The following CALN1 variants were observed in gnomAD, a reference collection of about 807,000 sequenced individuals.
CALN1 encodes the protein calneuron 1.
A neutral mutation model predicts 30.6 loss-of-function variants in CALN1; 17 were observed. The observed-to-expected ratio is 0.56, with a 90% CI of 0.38 to 0.83. The LOEUF (loss-of-function observed/expected upper bound fraction) is 0.83, where lower values mean the gene tolerates loss of function less well. Among genes scored for constraint, CALN1 ranks in the 40% least tolerant of loss-of-function variants. The pLI, the probability that CALN1 is intolerant of heterozygous loss-of-function variation, is 0.00. For missense variants in CALN1, 291 were observed against 354.9 expected (o/e 0.82, Z 1.45); for synonymous variants, 156 against 131.4 (o/e 1.19, Z -1.28).
chr7:72,347,375 T>C lies in CALN1; in HGVS notation c.119+55876A>G, dbSNP rs183114376. Reference sequence around the variant, plus strand: ...TCTGCCTCCCGGGTTCAAGCGATTCTCCTGCCTCAGCCTCCTGAGTAGCTG... The same window carrying C: ...TCTGCCTCCCGGGTTCAAGCGATTCCCCTGCCTCAGCCTCCTGAGTAGCTG... On this transcript the variant is annotated intron_variant, in intron 2 of 6. Coordinates refer to ENST00000395275, the MANE Select transcript of CALN1 (RefSeq NM_031468.4). Among the ~76,000 whole-genome samples, 166 of 152,160 alleles carry C rather than the reference T, an allele frequency of 1.1e-3. 2 individuals are homozygous for C. The highest frequency in any genetic ancestry group is 3.7e-3 in the African/African-American group (155 of 41,522).
chr7:71,952,823 A>G (rs1584595911), intron 5 of CALN1, among the ~76,000 whole-genome samples: 1 of 152,030 alleles, frequency 6.6e-6, no homozygotes. Context: ...CTGCCTTCAC[A>G]TTCAAAGCTC....
At chr7:72,270,138 G>A (rs961119053) in intron 3 of CALN1, among the ~76,000 whole-genome samples, 6 of 151,664 alleles carry the variant, frequency 4.0e-5, no homozygotes, top group East Asian at 3.9e-4. Context: ...TTGAGAGAGA[G>A]AAAAAAACCC....
chr7:72,143,328 G>A (rs1407509891), intron 3 of CALN1, among the ~76,000 whole-genome samples: 3 of 152,188 alleles, frequency 2.0e-5, no homozygotes, highest in Non-Finnish European at 4.4e-5. Context: ...CGTGAAGAAT[G>A]CACAAGCTTC....
chr7:72,066,169 C>T (rs1236227492), intron 4 of CALN1, among the ~76,000 whole-genome samples: 2 of 152,212 alleles, frequency 1.3e-5, no homozygotes, highest in Non-Finnish European at 2.9e-5. Context: ...TGCTAAATCT[C>T]ATCGTGTTGG....
chr7:71,969,369 T>C (rs1333741617), intron 5 of CALN1, among the ~76,000 whole-genome samples: 2 of 152,186 alleles, frequency 1.3e-5, no homozygotes, highest in African/African-American at 4.8e-5. Flanking sequence ...TTGTCCTGAT[T>C]TCTTTCTAAC....
At chr7:72,322,890 T>G (rs945534657) in intron 2 of CALN1, among the ~76,000 whole-genome samples, 1 of 151,782 alleles carries the variant, frequency 6.6e-6, no homozygotes, top group African/African-American at 2.4e-5. Context: ...ACACACTGCA[T>G]GCCTGTATCA....
intron 5 of CALN1, among the ~76,000 whole-genome samples, chr7:72,001,500 G>T (rs1312821567): frequency 6.6e-6 from 1 of 152,176 alleles, no homozygotes; most frequent in Non-Finnish European, 1.5e-5. Context: ...TGTGCATGTG[G>T]ACAGCCCACC....
chr7:72,466,240 GGTGT>G, the CALN1 span, among the ~76,000 whole-genome samples: 668 of 150,356 alleles, frequency 4.4e-3, 4 homozygotes, highest in African/African-American at 0.016. Context: ...TGAGATGTGT[GGTGT>G]GTGTGTGTGT....
intron 2 of CALN1, among the ~76,000 whole-genome samples, chr7:72,317,261 G>A (rs981924727): frequency 7.3e-6 from 1 of 136,394 alleles, no homozygotes; most frequent in African/African-American, 2.7e-5. Flanking sequence ...AGAAGGGGGG[G>A]ACGGAGGGAG....
rs368618388 is a variant in CALN1, at chr7:72,225,291, A to T, written c.244+53395T>A. ...GTTCCTGTCTGAGACAGCAGGACAC[A>T]CCTTAGCAGGGTGTCCTCCTGTGTG... On this transcript the variant is annotated intron_variant, in intron 3 of 6. Coordinates refer to ENST00000395275, the MANE Select transcript of CALN1 (RefSeq NM_031468.4). Among the ~76,000 whole-genome samples, 45 of 152,044 alleles carry T rather than the reference A, an allele frequency of 3.0e-4. No homozygotes were observed. The East Asian group carries it at 5.9e-3, about 20-fold the overall frequency.
At chr7:72,337,199 C>T (rs1047137851) in intron 2 of CALN1, 4 of 985,220 alleles carry the variant, frequency 4.1e-6, no homozygotes, top group Non-Finnish European at 4.8e-6. Flanking sequence ...TCCTCCCCAG[C>T]GGATCCCCCA....
intron 3 of CALN1, among the ~76,000 whole-genome samples, chr7:72,266,147 A>G (rs1156299828): frequency 6.6e-6 from 1 of 151,988 alleles, no homozygotes; most frequent in Admixed American, 6.6e-5. Flanking sequence ...AAGAAAAAAA[A>G]AAACTAAACT....
chr7:72,056,616 AC>A (rs1803273775), intron 4 of CALN1, among the ~76,000 whole-genome samples: 1 of 152,008 alleles, frequency 6.6e-6, no homozygotes, highest in Admixed American at 6.5e-5. Context: ...TAAAGGAATA[AC>A]AAAAAAATAG....
At chr7:72,129,563 T>G (rs979895976) in intron 3 of CALN1, among the ~76,000 whole-genome samples, 1 of 152,214 alleles carries the variant, frequency 6.6e-6, no homozygotes, top group Non-Finnish European at 1.5e-5. Context: ...TAAGTCCTCA[T>G]ATTTTTGGAG....
chr7:72,010,810 A>T (rs1395022837), intron 5 of CALN1, among the ~76,000 whole-genome samples: 1 of 151,142 alleles, frequency 6.6e-6, no homozygotes, highest in African/African-American at 2.4e-5. Context: ...TGTCTCAAAA[A>T]AAAAAAAGAA....
chr7:71,840,510 AAG>A (rs1267676821), intron 5 of CALN1, among the ~76,000 whole-genome samples: 1 of 148,914 alleles, frequency 6.7e-6, no homozygotes, highest in African/African-American at 2.5e-5. Flanking sequence ...AAAAAAAAAA[AAG>A]AGAAAAAGAA....
intron 3 of CALN1, among the ~76,000 whole-genome samples, chr7:72,131,410 T>A (rs1408647864): frequency 6.6e-6 from 1 of 152,230 alleles, no homozygotes; most frequent in African/African-American, 2.4e-5. Flanking sequence ...ATAATTTGCA[T>A]GGTCCTCCAG....
chr7:72,139,236 C>T (rs1017403803), intron 3 of CALN1, among the ~76,000 whole-genome samples: 1 of 152,180 alleles, frequency 6.6e-6, no homozygotes, highest in East Asian at 1.9e-4. Flanking sequence ...AGAACTGGGC[C>T]ATGTACACCT....
At position 72,047,974 on chromosome 7, in the gene CALN1, G is replaced by A. The variant is rs111406994; in HGVS notation, c.389-24205C>T. Among the ~76,000 whole-genome samples, 441 of 152,116 alleles carry A rather than the reference G, an allele frequency of 2.9e-3. 3 individuals are homozygous for A. Among genetic ancestry groups the A allele is most frequent in the African/African-American group, 0.01 (422 of 41,500 alleles). ...TGAGCAAAGTAAGAGATGCTCATAA[G>A]CATCTAACACAGTGTGGGCACAGAT... On this transcript the variant is annotated intron_variant, in intron 4 of 6. Transcript: ENST00000395275.
Sources: allele counts gnomAD v4.1 joint callset (sites outside exome capture counted in the v4.1 genomes callset), GRCh38; gene constraint gnomAD v4.1.1; transcripts MANE v1.5; gene names NCBI Gene and HGNC (gene_info 2026-07-23, HGNC 2026-07-21).